The following SMC1B variants were observed in gnomAD, a reference collection of about 807,000 sequenced individuals.
SMC1B encodes the protein structural maintenance of chromosomes protein 1B.
In SMC1B, 60 loss-of-function variants were observed where a neutral mutation model predicts 157.9. The ratio of observed to expected loss-of-function variants is 0.38; its 90% confidence interval spans 0.31 to 0.47. The LOEUF (loss-of-function observed/expected upper bound fraction) is 0.47, where lower values mean the gene tolerates loss of function less well. Ranked by LOEUF, SMC1B falls within the 20% of genes least tolerant of loss-of-function variation. The pLI is 0.99. For missense variants in SMC1B, 1,165 were observed against 1,426.2 expected (o/e 0.82, Z 2.95); for synonymous variants, 445 against 483.0 (o/e 0.92, Z 1.03).
intron 20 of SMC1B, 70 bp downstream of exon 20, chr22:45,354,889 T>C: frequency 6.9e-7 from 1 of 1,456,586 alleles, no homozygotes; most frequent in Non-Finnish European, 9.6e-7. Flanking sequence ...GAGGGGAGAT[T>C]GTTGGCAAAT....
At chr22:45,347,837 CAAAGCCTGGT>C (rs898860906) in intron 23 of SMC1B, among the ~76,000 whole-genome samples, 3 of 152,192 alleles carry the variant, frequency 2.0e-5, no homozygotes, top group Non-Finnish European at 4.4e-5. Flanking sequence ...GCCGTTAATG[CAAAGCCTGGT>C]CATTTCTAGA....
chr22:45,403,010 C>T (rs1384728946), intron 4 of SMC1B, among the ~76,000 whole-genome samples: 2 of 152,180 alleles, frequency 1.3e-5, no homozygotes, highest in African/African-American at 4.8e-5. Flanking sequence ...TAAAACAGGA[C>T]TCTTACAGTG....
chr22:45,345,551 C>T lies in SMC1B; in HGVS notation c.3514G>A (p.Glu1172Lys). 1 of 1,611,430 alleles carries T rather than the reference C, an allele frequency of 6.2e-7. No homozygotes were observed. Among genetic ancestry groups the T allele is most frequent in the Non-Finnish European group, 8.5e-7 (1 of 1,177,598 alleles). ...NIGKVSSYIK[E>K]QTQDQFQMIV... ...ATCTGAAACTGGTCTTGAGTTTGCT[C>T]TTTGATGTAACTTGACACCTGGAAG... Residue 1172 changes from glutamate to lysine, a missense_variant, in exon 24 of 25, where the codon GAG (glutamate) becomes AAG (lysine). Glu to Lys is a moderately conservative substitution (Grantham distance 56). Coordinates refer to ENST00000357450, the MANE Select transcript of SMC1B (RefSeq NM_148674.5).
chr22:45,388,362 T>A (rs2087013535), intron 10 of SMC1B, among the ~76,000 whole-genome samples: 1 of 152,144 alleles, frequency 6.6e-6, no homozygotes, highest in Admixed American at 6.5e-5. Flanking sequence ...GGTAGGAGTA[T>A]CCCCTTTATA....
Position 45,361,925 on chromosome 22 carries a change from C to G in SMC1B, c.2622G>C (p.Lys874Asn), listed in dbSNP as rs1429849339. ...NELMAKQQQLKDIRVTQNSSA... is the reference protein window; with the variant it reads ...NELMAKQQQLNDIRVTQNSSA... The stretch of plus-strand genomic sequence containing the variant: ...TGGAGTTCTGAGTGACACGTATGTC[C>G]TTAAGTTGCTGCTGCTTTGCCATGA... Residue 874 changes from lysine (K) to asparagine (N), a missense_variant, in exon 17 of 25, where the codon AAG becomes AAC. Transcript: ENST00000357450. 4 of 1,614,106 alleles carry G rather than the reference C, an allele frequency of 2.5e-6. No homozygotes were observed.
chr22:45,380,960 CTTT>C (rs530026478), intron 12 of SMC1B, among the ~76,000 whole-genome samples: 9 of 136,934 alleles, frequency 6.6e-5, no homozygotes, highest in Admixed American at 7.4e-5. Flanking sequence ...AAAAGAAGTA[CTTT>C]TTTTTTTTTT....
At chr22:45,369,737 G>A (rs1302858734) in intron 15 of SMC1B, among the ~76,000 whole-genome samples, 1 of 151,044 alleles carries the variant, frequency 6.6e-6, no homozygotes, top group Non-Finnish European at 1.5e-5. Context: ...GTAGAGACGG[G>A]GTTTCACCAT....
rs760925724 is a variant in SMC1B at position 45,361,967 on chromosome 22, C to T, written c.2580G>A (p.Leu860=). The T allele has an allele frequency of 9.3e-6, 15 of 1,613,792 alleles. No individual in the cohort carries two copies. Among genetic ancestry groups the T allele is most frequent in the Non-Finnish European group, 1.2e-5 (14 of 1,179,936 alleles). Residue 860 remains leucine, a synonymous_variant, in exon 17 of 25, where the codon CTG becomes CTA. Transcript: ENST00000357450. ...DHLKKAEENC[L]QTVNELMAKQ... is the part of the protein sequence containing the mutation. ...TTGCCATGAGTTCATTCACTGTCTG[C>T]AGACAGTTTTCTTCAGCCTGAACAG...
intron 6 of SMC1B, among the ~76,000 whole-genome samples, chr22:45,398,848 A>G (rs559489339): frequency 6.6e-6 from 1 of 152,112 alleles, no homozygotes; most frequent in Non-Finnish European, 1.5e-5. Flanking sequence ...ACAAAAAAAA[A>G]TCCTGCATCA....
At chr22:45,351,031 C>T (rs1218873229) in intron 22 of SMC1B, among the ~76,000 whole-genome samples, 1 of 152,156 alleles carries the variant, frequency 6.6e-6, no homozygotes, top group Non-Finnish European at 1.5e-5. Flanking sequence ...TGACCTGCTC[C>T]ATTTATTCCT....
chr22:45,377,345 C>T (rs1485450822), intron 12 of SMC1B, among the ~76,000 whole-genome samples: 1 of 152,068 alleles, frequency 6.6e-6, no homozygotes, highest in African/African-American at 2.4e-5. Context: ...TCAGCTTTAA[C>T]AAAATTTCCT....
chr22:45,389,571 CA>C (rs1170794194), intron 10 of SMC1B, 140 bp downstream of exon 10: 9 of 654,490 alleles, frequency 1.4e-5, no homozygotes, highest in Non-Finnish European at 2.1e-5. Context: ...ATATATTTAA[CA>C]CCAGCCATTA....
At chr22:45,394,491 A>G (rs1297319166) in intron 8 of SMC1B, among the ~76,000 whole-genome samples, 194 bp downstream of exon 8, 2 of 152,054 alleles carry the variant, frequency 1.3e-5, no homozygotes. Context: ...AATAGAAAAA[A>G]TTAGCTGGGT....
At chr22:45,356,727 CTTT>C (rs1174032906) in intron 19 of SMC1B, among the ~76,000 whole-genome samples, 3 of 126,416 alleles carry the variant, frequency 2.4e-5, no homozygotes, top group Middle Eastern at 3.9e-3. Context: ...TTTTTCTTTT[CTTT>C]TTTTTTTTTT....
rs2087271453 is a variant in SMC1B at position 45,407,166 on chromosome 22, T to C, written c.299-301A>G. Among the ~76,000 whole-genome samples the C allele has an allele frequency of 1.3e-5, 2 of 152,128 alleles. 1 individual carries two copies. Among genetic ancestry groups the C allele is most frequent in the Non-Finnish European group, 2.9e-5 (2 of 68,010 alleles). Reference sequence around the variant, plus strand: ...TAACTCACTAAGCCAAAGGGAAAAGTCAACCTGGGAACTAGGTCATGCAAA... The same window carrying C: ...TAACTCACTAAGCCAAAGGGAAAAGCCAACCTGGGAACTAGGTCATGCAAA... On this transcript the variant is annotated intron_variant, in intron 2 of 24. Coordinates refer to ENST00000357450, the MANE Select transcript of SMC1B (RefSeq NM_148674.5).
chr22:45,360,973 CTTTTT>C (rs57185919), intron 17 of SMC1B, among the ~76,000 whole-genome samples: 2 of 143,064 alleles, frequency 1.4e-5, no homozygotes, highest in Non-Finnish European at 3.1e-5. Context: ...GTGCCAGGTA[CTTTTT>C]TTTTTTTTTT....
At chr22:45,349,966 A>G (rs1163919021) in intron 22 of SMC1B, among the ~76,000 whole-genome samples, 169 bp from the exon 23 acceptor site, 1 of 152,230 alleles carries the variant, frequency 6.6e-6, no homozygotes, top group Admixed American at 6.5e-5. Context: ...ATCAGTCCAC[A>G]TGTATGTGAC....
At chr22:45,392,725 G>C (rs1329521130) in intron 9 of SMC1B, among the ~76,000 whole-genome samples, 1 of 152,056 alleles carries the variant, frequency 6.6e-6, no homozygotes, top group East Asian at 1.9e-4. Context: ...TTTGGAGACA[G>C]AGTCTCACTC....
At chr22:45,410,490 G>C (rs551738852) in intron 1 of SMC1B, among the ~76,000 whole-genome samples, 5 of 152,098 alleles carry the variant, frequency 3.3e-5, no homozygotes, top group African/African-American at 1.2e-4. Flanking sequence ...ATCACCCGAG[G>C]TCAGGGGTTC....
Sources: gnomAD v4.1 joint callset for allele counts (sites outside exome capture counted in the v4.1 genomes callset) on GRCh38, gnomAD v4.1.1 for gene constraint, MANE v1.5 for transcripts, NCBI Gene and HGNC (gene_info 2026-07-23, HGNC 2026-07-21) for gene names.